Variants in ADAR observed in about 807,000 individuals in gnomAD.
The protein encoded by ADAR is double-stranded RNA-specific adenosine deaminase.
A neutral mutation model predicts 113.2 loss-of-function variants in ADAR; 41 were observed. The ratio of observed to expected loss-of-function variants is 0.36; its 90% CI spans 0.28 to 0.47. The LOEUF (loss-of-function observed/expected upper bound fraction) is 0.47. Among genes scored for constraint, ADAR ranks in the 20% least tolerant of loss-of-function variants. The pLI, the probability that ADAR is intolerant of heterozygous loss-of-function variation, is 1.00. For synonymous variants in ADAR, 605 were observed against 572.6 expected (o/e 1.06, Z -0.81); for missense variants, 1,242 against 1,540.9 (o/e 0.81, Z 3.25).
intron 1 of ADAR, among the ~76,000 whole-genome samples, chr1:154,627,284 T>A (rs575126002): frequency 7.4e-4 from 113 of 152,210 alleles, no homozygotes; most frequent in Non-Finnish European, 1.4e-3. Context: ...CCAGACAGGC[T>A]GAGCGCGGCG....
intron 6 of ADAR, among the ~76,000 whole-genome samples, chr1:154,593,882 ATT>A (rs753954430): frequency 5.4e-4 from 82 of 151,618 alleles, no homozygotes; most frequent in Middle Eastern, 6.8e-3. Context: ...ATTACTTCTG[ATT>A]TTTTTGTTTT....
intron 1 of ADAR, 65 bp from the exon 2 acceptor site, chr1:154,602,691 C>T: frequency 6.3e-7 from 1 of 1,584,506 alleles, no homozygotes; most frequent in Non-Finnish European, 8.6e-7. Flanking sequence ...TGTGGAGGCC[C>T]CTCCCTTTGC....
At chr1:154,607,583 G>A (rs1013588142) in intron 1 of ADAR, among the ~76,000 whole-genome samples, 5 of 152,260 alleles carry the variant, frequency 3.3e-5, no homozygotes, top group South Asian at 2.1e-4. Context: ...TGTCTGCCTT[G>A]ACATGGGCTC....
chr1:154,584,721 CCT>C lies in ADAR; in HGVS notation c.*83_*84del, dbSNP rs1031507611. 151 of 1,215,138 alleles carry C rather than the reference CCT, an allele frequency of 1.2e-4. No individual in the cohort carries two copies. The African/African-American group carries it at 1.9e-3, about 16-fold the overall frequency. The allele number at this position is 1,215,138 out of a possible 1,614,324, so 75.3% of individuals were successfully genotyped here. A position where few individuals can be genotyped will look rare whatever the true frequency, so the allele number is the denominator to read the frequency against. The stretch of plus-strand genomic sequence containing the variant: ...AAAAAAAAAGGAGAAAAAAAAATCC[CCT>C]GACCATGTGATGAGGAATGCTACGA... On this transcript the variant is annotated 3_prime_UTR_variant, in exon 15 of 15. Transcript: ENST00000368474.
intron 2 of ADAR, among the ~76,000 whole-genome samples, chr1:154,599,110 G>C (rs1697702474): frequency 6.6e-6 from 1 of 152,132 alleles, no homozygotes; most frequent in African/African-American, 2.4e-5. Context: ...TATCACCGTA[G>C]TTTGTTATGA....
In ADAR at chr1:154,597,781, T is replaced by C. The variant is rs759390198; in HGVS notation, c.1934+47A>G. ...GGCAAGGAAGAAAATGTGTCTCTTT[T>C]TCTTTCTGAGAAAACCTCAGCTGGA... is the stretch of plus-strand genomic sequence containing the variant. On this transcript the variant is annotated intron_variant, in intron 4 of 14. Transcript: ENST00000368474. The C allele has an allele frequency of 5.6e-6, 9 of 1,612,592 alleles. No homozygotes were observed. In the African/African-American group the frequency reaches 1.1e-4, roughly 19 times the overall value.
chr1:154,590,138 A>AGGGGGGGGGGGGGGG, intron 7 of ADAR, 46 bp downstream of exon 7: 7 of 1,173,748 alleles, frequency 6.0e-6, no homozygotes, highest in Non-Finnish European at 6.2e-6. Context: ...AGGAGTTAGG[A>AGGGGGGGGGGGGGGG]GGACCCCCCC....
chr1:154,611,464 CTTT>C (rs984110220), upstream of ADAR, among the ~76,000 whole-genome samples: 2 of 146,558 alleles, frequency 1.4e-5, no homozygotes. Context: ...GTGATGATGT[CTTT>C]TTTTTTTTAA....
intron 7 of ADAR, 45 bp downstream of exon 7, chr1:154,590,139 G>GGGGGGGGGT: frequency 7.0e-7 from 1 of 1,429,860 alleles, no homozygotes; most frequent in Non-Finnish European, 9.7e-7. Flanking sequence ...GGAGTTAGGA[G>GGGGGGGGGT]GACCCCCCCG....
At position 154,601,377 on chromosome 1, in the gene ADAR, C is replaced by T; in HGVS notation, c.1265G>A (p.Arg422Lys). ...TGCTGGTTCTGGTCTGGCCTCTTGC[C>T]TGTTTTCTAACTTTATGACAGGTTC... ...GQEPVIKLEN[R>K]QEARPEPARL... The change falls in exon 2 of 15, where the codon AGG becomes AAG. Residue 422 changes from arginine (R) to lysine (K), a missense_variant. This residue lies in a region of ADAR where 780 missense variants were observed against 1,057.9 expected (regional missense o/e 0.74). Coordinates refer to ENST00000368474, the MANE Select transcript of ADAR (RefSeq NM_001111.5). The surrounding 1 kb of genome is among the most constrained non-coding windows in gnomAD (Gnocchi z 4.7). 1 of 1,614,212 alleles carries T rather than the reference C, an allele frequency of 6.2e-7. No individual in the cohort carries two copies. The highest frequency in any genetic ancestry group is 8.5e-7 in the Non-Finnish European group (1 of 1,180,046).
intron 12 of ADAR, 158 bp from the exon 13 acceptor site, chr1:154,586,023 C>A (rs1557864715): frequency 8.3e-7 from 1 of 1,198,678 alleles, no homozygotes; most frequent in Non-Finnish European, 1.2e-6. Context: ...CTACCAGGAT[C>A]TTCCTACCAC....
chr1:154,593,066 C>T (rs539517866), intron 6 of ADAR, among the ~76,000 whole-genome samples: 49 of 127,228 alleles, frequency 3.9e-4, no homozygotes, highest in African/African-American at 1.4e-3. Flanking sequence ...ACCCAGGAGG[C>T]GGAGGTTGCA....
At chr1:154,593,361 T>C (rs1697290556) in intron 6 of ADAR, among the ~76,000 whole-genome samples, 1 of 152,194 alleles carries the variant, frequency 6.6e-6, no homozygotes, top group Non-Finnish European at 1.5e-5. Context: ...GTGTCCTCTG[T>C]GTCCCCACAG....
At chr1:154,613,813 A>C (rs1004858485) in intron 1 of ADAR, among the ~76,000 whole-genome samples, 1 of 151,854 alleles carries the variant, frequency 6.6e-6, no homozygotes, top group Non-Finnish European at 1.5e-5. Flanking sequence ...CTGAGGCAGG[A>C]GAATCACTTG....
intron 1 of ADAR, among the ~76,000 whole-genome samples, chr1:154,621,203 T>TAC (rs1218878942): frequency 6.6e-6 from 1 of 152,164 alleles, no homozygotes. Flanking sequence ...TTTAAAATAT[T>TAC]ACACTATTTT....
chr1:154,588,511 T>G (rs1696915405), intron 10 of ADAR, 40 bp downstream of exon 10: 1 of 1,611,556 alleles, frequency 6.2e-7, no homozygotes, highest in Non-Finnish European at 8.5e-7. Flanking sequence ...TCTAACAGCC[T>G]GGCAGGGCCC....
rs375311213 is a variant in ADAR, at chr1:154,602,085, T to C, written c.557A>G (p.Gln186Arg). The C allele has an allele frequency of 1.2e-6, 2 of 1,614,264 alleles. No homozygotes were observed. Among genetic ancestry groups the C allele is most frequent in the Non-Finnish European group, 8.5e-7 (1 of 1,180,048 alleles). ...LYSLAKKGKL[Q>R]KEAGTPPLWK... Reference sequence around the variant, plus strand: ...CAAAGGGGGTGTTCCTGCCTCTTTCTGTAGCTTGCCCTTCTTTGCCAGGGA... The same window carrying C: ...CAAAGGGGGTGTTCCTGCCTCTTTCCGTAGCTTGCCCTTCTTTGCCAGGGA... The change falls in exon 2 of 15, where the codon CAG (glutamine) becomes CGG (arginine). Residue 186 changes from glutamine (Q) to arginine (R), a missense_variant. Transcript: ENST00000368474.
chr1:154,603,181 A>G (rs1190117499), intron 1 of ADAR, among the ~76,000 whole-genome samples: 1 of 152,140 alleles, frequency 6.6e-6, no homozygotes, highest in Non-Finnish European at 1.5e-5. Flanking sequence ...GACTATGACA[A>G]AAGAAGAAAT....
At chr1:154,624,865 A>C (rs59455784) in intron 1 of ADAR, among the ~76,000 whole-genome samples, 3,142 of 152,338 alleles carry the variant, frequency 0.021, 117 homozygotes, top group African/African-American at 0.073. Context: ...GTCACAGATA[A>C]TACTACCAAT....
Sources: allele counts gnomAD v4.1 joint callset (sites outside exome capture counted in the v4.1 genomes callset), GRCh38; gene constraint gnomAD v4.1.1; regional missense constraint gnomAD v4.1.1; non-coding constraint Gnocchi (gnomAD v3.1); transcripts MANE v1.5; gene names NCBI Gene and HGNC (gene_info 2026-07-23, HGNC 2026-07-21).